Variants in THSD7B observed in about 807,000 individuals in gnomAD.
THSD7B encodes the protein thrombospondin type-1 domain-containing protein 7B.
THSD7B carries 138 observed loss-of-function variants against 213.6 expected under a neutral mutation model. The ratio of observed to expected loss-of-function variants is 0.65; its 90% CI spans 0.56 to 0.74. The LOEUF is 0.74. Ranked by LOEUF, THSD7B falls within the 30% of genes least tolerant of loss-of-function variation. The probability of loss-of-function intolerance (pLI) is 0.00; values close to 1 mark genes in which losing one functional copy is unlikely to be tolerated. For synonymous variants in THSD7B, 742 were observed against 687.0 expected (o/e 1.08, Z -1.25); for missense variants, 1,931 against 1,991.5 (o/e 0.97, Z 0.58).
intron 5 of THSD7B, among the ~76,000 whole-genome samples, chr2:137,126,235 T>C (rs1399148206): frequency 6.6e-6 from 1 of 152,212 alleles, no homozygotes; most frequent in East Asian, 1.9e-4. Flanking sequence ...ATGGAAGTCC[T>C]AGATGGCATC....
chr2:137,205,022 T>C (rs1199297722), intron 7 of THSD7B, among the ~76,000 whole-genome samples: 1 of 152,050 alleles, frequency 6.6e-6, no homozygotes, highest in East Asian at 1.9e-4. Flanking sequence ...CCCACACGGA[T>C]GACCCAAAAG....
At chr2:137,061,911 A>C (rs1687281208) in intron 3 of THSD7B, among the ~76,000 whole-genome samples, 1 of 151,826 alleles carries the variant, frequency 6.6e-6, no homozygotes, top group Admixed American at 6.6e-5. Context: ...ATTTTCTGAA[A>C]GAAATTGTTG....
chr2:137,062,482 C>T (rs1402142527), intron 3 of THSD7B, among the ~76,000 whole-genome samples: 1 of 151,662 alleles, frequency 6.6e-6, no homozygotes, highest in Non-Finnish European at 1.5e-5. Flanking sequence ...TCCTCAAGCC[C>T]TTTCTCTTTG....
At chr2:137,555,496 G>A (rs1680941493) in intron 15 of THSD7B, among the ~76,000 whole-genome samples, 1 of 152,128 alleles carries the variant, frequency 6.6e-6, no homozygotes, top group Admixed American at 6.5e-5. Flanking sequence ...ACTGTTAAAA[G>A]GAAAACTAAC....
chr2:137,401,980 A>G (rs1169173918), intron 12 of THSD7B, among the ~76,000 whole-genome samples: 2 of 152,176 alleles, frequency 1.3e-5, no homozygotes, highest in East Asian at 1.9e-4. Flanking sequence ...TATTCTTCAC[A>G]TACTAAGGAT....
rs1683636139 is a variant in THSD7B at position 136,882,149 on chromosome 2, G to A, written c.-30G>A. 2 of 1,478,554 alleles carry A rather than the reference G, an allele frequency of 1.4e-6. No homozygotes were observed. Among genetic ancestry groups the A allele is most frequent in the African/African-American group, 1.4e-5 (1 of 69,150 alleles). 91.6% of individuals were successfully genotyped at this position (1,478,554 alleles called of 1,614,324 possible). On this transcript the variant is annotated 5_prime_UTR_variant, in exon 2 of 28. An upstream open reading frame in the 5' UTR loses its in-frame stop. Transcript: ENST00000409968. ...TTTTTCTTTTTCTCTTTTAGGAATA[G>A]GCAAGTCAAGAGGCTGAAAAATCTG...
In THSD7B at chr2:137,300,847, C is replaced by T. The variant is rs189741889; in HGVS notation, c.2500+24821C>T. ...TACGGACAAAAAGATGGAAAGAACTCGTGTAGTGACTGAGGAGAGTAGAGG... is the reference window on the plus strand; with the variant it reads ...TACGGACAAAAAGATGGAAAGAACTTGTGTAGTGACTGAGGAGAGTAGAGG... On this transcript the variant is annotated intron_variant, in intron 12 of 27. Coordinates refer to ENST00000409968, the MANE Select transcript of THSD7B (RefSeq NM_001316349.2). Among the ~76,000 whole-genome samples, 198 of 152,096 alleles carry T rather than the reference C, an allele frequency of 1.3e-3. 1 individual carries two copies. The highest frequency in any genetic ancestry group is 5.1e-3 in the South Asian group (24 of 4,742).
intron 10 of THSD7B, among the ~76,000 whole-genome samples, chr2:137,256,916 G>T (rs777108272): frequency 6.6e-6 from 1 of 152,134 alleles, no homozygotes; most frequent in Non-Finnish European, 1.5e-5. Context: ...TACAGTTCTG[G>T]AGACTGGGAA....
chr2:136,891,165 C>G (rs190663417), intron 2 of THSD7B, among the ~76,000 whole-genome samples: 7 of 151,988 alleles, frequency 4.6e-5, no homozygotes, highest in Non-Finnish European at 7.4e-5. Flanking sequence ...ATATTAAGGA[C>G]AGTTTAATCT....
chr2:137,221,704 G>T (rs1681374957), intron 7 of THSD7B, among the ~76,000 whole-genome samples: 1 of 152,076 alleles, frequency 6.6e-6, no homozygotes, highest in South Asian at 2.1e-4. Flanking sequence ...ATTATAGTGA[G>T]GTAGTTAAAT....
intron 5 of THSD7B, among the ~76,000 whole-genome samples, chr2:137,139,234 C>T (rs1679532558): frequency 6.6e-6 from 1 of 152,086 alleles, no homozygotes; most frequent in Non-Finnish European, 1.5e-5. Flanking sequence ...GATTGAGGGT[C>T]AGTAGAGTAA....
At chr2:136,897,964 C>G (rs970566067) in intron 2 of THSD7B, among the ~76,000 whole-genome samples, 1 of 152,116 alleles carries the variant, frequency 6.6e-6, no homozygotes, top group African/African-American at 2.4e-5. Flanking sequence ...TTACAGAGTG[C>G]TGATTGGTGC....
chr2:137,553,890 G>A (rs961783275), intron 15 of THSD7B, among the ~76,000 whole-genome samples: 1 of 152,124 alleles, frequency 6.6e-6, no homozygotes, highest in Non-Finnish European at 1.5e-5. Context: ...GGGCATCTGG[G>A]TAGTTAATTT....
chr2:137,147,695 A>C (rs1679731334), intron 5 of THSD7B, among the ~76,000 whole-genome samples: 1 of 152,100 alleles, frequency 6.6e-6, no homozygotes, highest in African/African-American at 2.4e-5. Flanking sequence ...TTCTGAAGGA[A>C]CACAGGTGAA....
chr2:137,218,957 A>T (rs150682926), intron 7 of THSD7B, among the ~76,000 whole-genome samples: 1 of 147,330 alleles, frequency 6.8e-6, no homozygotes, highest in African/African-American at 2.5e-5. Context: ...TGGTATTGTC[A>T]TACTTTTTTT....
intron 7 of THSD7B, among the ~76,000 whole-genome samples, chr2:137,213,439 A>G (rs1681166270): frequency 1.4e-5 from 2 of 148,018 alleles, no homozygotes; most frequent in African/African-American, 4.9e-5. Context: ...TATATAGATT[A>G]TATATTATAA....
At chr2:137,322,785 A>G (rs1684289069) in intron 12 of THSD7B, among the ~76,000 whole-genome samples, 1 of 152,120 alleles carries the variant, frequency 6.6e-6, no homozygotes, top group Non-Finnish European at 1.5e-5. Flanking sequence ...ATACTCTCTA[A>G]TCCATTCTGA....
At chr2:137,074,210 G>A (rs1315974162) in intron 3 of THSD7B, among the ~76,000 whole-genome samples, 3 of 151,974 alleles carry the variant, frequency 2.0e-5, no homozygotes, top group Non-Finnish European at 2.9e-5. Context: ...TTATTAATGT[G>A]TGGGAGTCTA....
intron 15 of THSD7B, among the ~76,000 whole-genome samples, chr2:137,461,943 G>A (rs1687893891): frequency 6.6e-6 from 1 of 152,108 alleles, no homozygotes; most frequent in African/African-American, 2.4e-5. Context: ...TATGGTGTCT[G>A]TTAATTAAAC....
Sources: gnomAD v4.1 joint callset for allele counts (sites outside exome capture counted in the v4.1 genomes callset) on GRCh38, gnomAD v4.1.1 for gene constraint, MANE v1.5 for transcripts, NCBI Gene and HGNC (gene_info 2026-07-23, HGNC 2026-07-21) for gene names.